The following RNF40 variants were observed in gnomAD, a reference collection of about 807,000 sequenced individuals.
RNF40 encodes the protein E3 ubiquitin-protein ligase BRE1B.
A neutral mutation model predicts 123.3 loss-of-function variants in RNF40; 39 were observed. The observed-to-expected ratio is 0.32, with a 90% CI of 0.24 to 0.41. The LOEUF (loss-of-function observed/expected upper bound fraction) is 0.41. Among genes scored for constraint, RNF40 ranks in the 10% least tolerant of loss-of-function variants. The pLI, the probability that RNF40 is intolerant of heterozygous loss-of-function variation, is 1.00. For missense variants in RNF40, 1,003 were observed against 1,319.9 expected (o/e 0.76, Z 3.72); for synonymous variants, 538 against 526.0 (o/e 1.02, Z -0.31).
At chr16:30,772,474 G>A (rs1596763747) in intron 19 of RNF40, among the ~76,000 whole-genome samples, 1 of 152,210 alleles carries the variant, frequency 6.6e-6, no homozygotes, top group African/African-American at 2.4e-5. Context: ...CATCCCAGAT[G>A]TGTAATATGA....
At chr16:30,773,836 A>G in intron 19 of RNF40, 102 bp from the exon 20 acceptor site, 1 of 1,158,750 alleles carries the variant, frequency 8.6e-7, no homozygotes, top group East Asian at 2.4e-5. Flanking sequence ...GATGAGGTGC[A>G]GTCTCCAGTG....
Position 30,765,171 on chromosome 16 carries a change from T to C in RNF40, c.772-10T>C. The C allele has an allele frequency of 6.2e-7, 1 of 1,613,914 alleles. No individual in the cohort carries two copies. Among genetic ancestry groups the C allele is most frequent in the East Asian group, 2.2e-5 (1 of 44,882 alleles). On this transcript the variant is annotated splice_polypyrimidine_tract_variant and intron_variant, in intron 6 of 19. Transcript: ENST00000324685. ...CCCCATCCAAGCATCTGCTCCCTCATTGTTCCCAGTACTCCGAGCTCCAGG... is the reference window on the plus strand; with the variant it reads ...CCCCATCCAAGCATCTGCTCCCTCACTGTTCCCAGTACTCCGAGCTCCAGG...
intron 17 of RNF40, among the ~76,000 whole-genome samples, chr16:30,770,051 A>G (rs2151332661): frequency 6.6e-6 from 1 of 151,172 alleles, no homozygotes; most frequent in South Asian, 2.1e-4. Context: ...GCAGTGAGCT[A>G]TGATCGCACT....
intron 17 of RNF40, among the ~76,000 whole-genome samples, chr16:30,770,851 A>G (rs2054135821): frequency 6.6e-6 from 1 of 152,108 alleles, no homozygotes; most frequent in African/African-American, 2.4e-5. Flanking sequence ...AGCTGGGACT[A>G]CAGGAGCCTG....
chr16:30,769,701 C>T (rs2054112825), intron 17 of RNF40, 101 bp downstream of exon 17: 3 of 1,309,476 alleles, frequency 2.3e-6, no homozygotes, highest in Admixed American at 2.8e-5. Flanking sequence ...GAGGTGAAGC[C>T]AGGCTGTCAC....
Position 30,765,515 on chromosome 16 carries a change from C to T in RNF40, c.993+16C>T, listed in dbSNP as rs777652277. 7.4e-6 allele frequency: 12 copies of T among 1,611,474 alleles called. No homozygotes were observed. The highest frequency in any genetic ancestry group is 1.0e-5 in the Non-Finnish European group (12 of 1,178,148). ...CATGCAGAAGGTGAGCGGCGTTTTC[C>T]TCCCACCCCTTCTCACAACCTCTTC... On this transcript the variant is annotated intron_variant, in intron 8 of 19. Transcript: ENST00000324685.
chr16:30,773,803 C>G, intron 19 of RNF40, 135 bp from the exon 20 acceptor site: 1 of 878,116 alleles, frequency 1.1e-6, no homozygotes. Context: ...GAGTGCTCGT[C>G]CTTACCTCCA....
chr16:30,764,538 G>A (rs1439890694), intron 5 of RNF40, among the ~76,000 whole-genome samples, 153 bp downstream of exon 5: 1 of 152,238 alleles, frequency 6.6e-6, no homozygotes, highest in East Asian at 1.9e-4. Context: ...AGGTTAGGCT[G>A]TAGATGGGGG....
chr16:30,767,500 A>G (rs546873364), intron 11 of RNF40, among the ~76,000 whole-genome samples: 1 of 143,662 alleles, frequency 7.0e-6, no homozygotes, highest in South Asian at 2.2e-4. Context: ...TTGGATGTAT[A>G]AAAAAAAAAA....
chr16:30,772,351 T>G (rs892999566), intron 19 of RNF40, 161 bp downstream of exon 19: 6 of 716,336 alleles, frequency 8.4e-6, no homozygotes, highest in Non-Finnish European at 1.3e-5. Flanking sequence ...GTACATGTAC[T>G]GTGAGCCAGG....
intron 17 of RNF40, among the ~76,000 whole-genome samples, chr16:30,771,590 G>A (rs953238565): frequency 4.6e-5 from 7 of 152,120 alleles, no homozygotes; most frequent in African/African-American, 1.4e-4. Flanking sequence ...GGACTCCAGC[G>A]TGGGGGACAG....
intron 18 of RNF40, 33 bp downstream of exon 18, chr16:30,772,006 G>A: frequency 6.3e-7 from 1 of 1,586,300 alleles, no homozygotes; most frequent in Non-Finnish European, 8.6e-7. Flanking sequence ...AGGCCAGGGT[G>A]GTCCACGGTC....
In RNF40 at chr16:30,772,163, C is replaced by T. The variant is rs2054159938; in HGVS notation, c.2802C>T (p.Ile934=). The T allele has an allele frequency of 6.4e-7, 1 of 1,552,858 alleles. No individual in the cohort carries two copies. The highest frequency in any genetic ancestry group is 8.7e-7 in the Non-Finnish European group (1 of 1,147,618). ...AGGTCTACGCAGATGCCGACGAAAT[C>T]CTCCAGGAGGAGATCAAGGAGTACA... ...KVEVYADADE[I]LQEEIKEYKA... Residue 934 remains isoleucine (I), a synonymous_variant, in exon 19 of 20, where the codon ATC becomes ATT. Coordinates refer to ENST00000324685, the MANE Select transcript of RNF40 (RefSeq NM_014771.4).
rs1365184421 is a variant in RNF40 at position 30,763,098 on chromosome 16, C to G, written c.133-20C>G. ...GGCCCTGCTTGACGCTCTCGTCGGC[C>G]CCTTTGTTTCCTTTGGTAGGAGGAG... On this transcript the variant is annotated intron_variant, in intron 2 of 19. Coordinates refer to ENST00000324685, the MANE Select transcript of RNF40 (RefSeq NM_014771.4). 4.3e-6 allele frequency: 7 copies of G among 1,612,950 alleles called. No individual in the cohort carries two copies. Among genetic ancestry groups the G allele is most frequent in the African/African-American group, 4.0e-5 (3 of 74,998 alleles).
chr16:30,766,225 G>A lies in RNF40; in HGVS notation c.1056G>A (p.Glu352=). The change falls in exon 9 of 20, where the codon GAG becomes GAA. Residue 352 remains glutamate (E), a synonymous_variant. Transcript: ENST00000324685. The surrounding 1 kb of genome is among the most constrained non-coding windows in gnomAD (Gnocchi z 5.4). ...NQELANSRMA[E]LEKLQAELQG... is the part of the protein sequence containing the mutation. The stretch of plus-strand genomic sequence containing the variant: ...AACTGGCCAACAGCCGTATGGCAGA[G>A]CTGGAGAAACTGCAGGCCGAACTTC... The A allele has an allele frequency of 6.2e-7, 1 of 1,614,206 alleles. No homozygotes were observed. The highest frequency in any genetic ancestry group is 8.5e-7 in the Non-Finnish European group (1 of 1,180,032).
chr16:30,775,461 G>A lies in RNF40; in HGVS notation c.*1347G>A. 1 of 184,656 alleles carries A rather than the reference G, an allele frequency of 5.4e-6. No homozygotes were observed. The highest frequency in any genetic ancestry group is 9.9e-5 in the South Asian group (1 of 10,052). The allele number at this position is 184,656 out of a possible 1,614,324, so 11.4% of individuals were successfully genotyped here. Reference sequence around the variant, plus strand: ...TGCATCCTGGGAAGTGTAGTTCCTGGTCCGCACATGGTTAGGAGGTTCTCG... The same window carrying A: ...TGCATCCTGGGAAGTGTAGTTCCTGATCCGCACATGGTTAGGAGGTTCTCG... On this transcript the variant is annotated 3_prime_UTR_variant, in exon 20 of 20. Coordinates refer to ENST00000324685, the MANE Select transcript of RNF40 (RefSeq NM_014771.4).
intron 6 of RNF40, 36 bp from the exon 7 acceptor site, chr16:30,765,145 C>T: frequency 6.2e-7 from 1 of 1,611,954 alleles, no homozygotes; most frequent in Non-Finnish European, 8.5e-7. Flanking sequence ...GGAACCAAGT[C>T]CCCCATCCAA....
rs895138668 is a variant in RNF40, at chr16:30,774,703, C to G, written c.*589C>G. 9.2e-6 allele frequency: 3 copies of G among 325,060 alleles called. No individual in the cohort carries two copies. Among genetic ancestry groups the G allele is most frequent in the South Asian group, 7.4e-5 (3 of 40,494 alleles). The allele number at this position is 325,060 out of a possible 1,614,324, so 20.1% of individuals were successfully genotyped here. ...ACCCTCTTGGCAGATGGGGGCATCA[C>G]TTGCTTCCTTTGGGAAGCTCTAAGG... is the stretch of plus-strand genomic sequence containing the variant. On this transcript the variant is annotated 3_prime_UTR_variant, in exon 20 of 20. Coordinates refer to ENST00000324685, the MANE Select transcript of RNF40 (RefSeq NM_014771.4).
Position 30,768,128 on chromosome 16 carries a change from CCCA to C in RNF40, c.1579_1581del (p.His527del). On this transcript the variant is annotated inframe_deletion, in exon 13 of 20. Transcript: ENST00000324685. This position sits in a 1 kb window ranked among gnomAD's most constrained non-coding sequence, Gnocchi z 4.1. ...CTCCGGGCCCAGGCCAGTGGCTCTG[CCCA>C]CTCCACCCCCAACCTGGGCCACCCA... 6.2e-7 allele frequency: 1 copy of C among 1,607,536 alleles called. No individual in the cohort carries two copies. The highest frequency in any genetic ancestry group is 8.5e-7 in the Non-Finnish European group (1 of 1,176,250).
Sources: gnomAD v4.1 joint callset for allele counts (sites outside exome capture counted in the v4.1 genomes callset) on GRCh38, gnomAD v4.1.1 for gene constraint, Gnocchi (gnomAD v3.1) non-coding constraint, MANE v1.5 for transcripts, NCBI Gene and HGNC (gene_info 2026-07-23, HGNC 2026-07-21) for gene names.